Variants in PRKCA observed in about 807,000 individuals in gnomAD.
The protein encoded by PRKCA is protein kinase C alpha type.
In PRKCA, 27 loss-of-function variants were observed where a neutral mutation model predicts 87.0. The observed-to-expected ratio is 0.31, with a 90% confidence interval of 0.23 to 0.43. PRKCA has a LOEUF of 0.43. Ranked by LOEUF, PRKCA falls within the 20% of genes least tolerant of loss-of-function variation. PRKCA has a pLI of 1.00. For missense variants in PRKCA, 518 were observed against 852.3 expected, an observed-to-expected ratio of 0.61 and a Z score of 4.88; for synonymous variants, 329 against 311.1, an observed-to-expected ratio of 1.06 and a Z score of -0.61.
At chr17:66,722,258 G>T (rs1278803388) in intron 8 of PRKCA, among the ~76,000 whole-genome samples, 1 of 152,152 alleles carries the variant, frequency 6.6e-6, no homozygotes, top group Non-Finnish European at 1.5e-5. Flanking sequence ...GTTAAGGTGG[G>T]TTAGACTGTC....
rs111374219 is a variant in PRKCA at position 66,627,813 on chromosome 17, C to G, written c.289-13542C>G. On this transcript the variant is annotated intron_variant, in intron 3 of 16. Transcript: ENST00000413366. ...ATGGTTGGAAATTCAGTATCCCCCCCCAAAAAATTGAACCTTCATAGTTTC... is the reference window on the plus strand; with the variant it reads ...ATGGTTGGAAATTCAGTATCCCCCCGCAAAAAATTGAACCTTCATAGTTTC... Among the ~76,000 whole-genome samples the G allele has an allele frequency of 7.2e-5, 11 of 152,226 alleles. No homozygotes were observed. In the East Asian group the frequency reaches 2.1e-3, roughly 29 times the overall value.
At chr17:66,754,475 C>T (rs1049930148) in intron 13 of PRKCA, among the ~76,000 whole-genome samples, 26 of 152,100 alleles carry the variant, frequency 1.7e-4, no homozygotes, top group African/African-American at 4.3e-4. Flanking sequence ...TGCTGTGCCT[C>T]GACTTCTCCA....
At chr17:66,675,419 G>A (rs1232525041) in intron 5 of PRKCA, among the ~76,000 whole-genome samples, 1 of 152,168 alleles carries the variant, frequency 6.6e-6, no homozygotes, top group African/African-American at 2.4e-5. Flanking sequence ...CCACAGCACA[G>A]AGCTCTTCCC....
chr17:66,501,393 T>A (rs1713335614), intron 3 of PRKCA, among the ~76,000 whole-genome samples: 1 of 152,132 alleles, frequency 6.6e-6, no homozygotes, highest in Non-Finnish European at 1.5e-5. Flanking sequence ...TACCAGCAAA[T>A]CTAGAGCAAA....
intron 8 of PRKCA, among the ~76,000 whole-genome samples, chr17:66,720,507 T>C (rs1973588414): frequency 6.6e-6 from 1 of 152,236 alleles, no homozygotes; most frequent in Non-Finnish European, 1.5e-5. Flanking sequence ...CTCAGTTCCT[T>C]TGTGGCTTTC....
chr17:66,323,076 A>G (rs1905778082), intron 2 of PRKCA, among the ~76,000 whole-genome samples: 1 of 152,176 alleles, frequency 6.6e-6, no homozygotes, highest in Non-Finnish European at 1.5e-5. Flanking sequence ...GATCTTGCAT[A>G]TTTCAAAATA....
intron 5 of PRKCA, among the ~76,000 whole-genome samples, chr17:66,660,858 G>A (rs185790563): frequency 0.012 from 1,848 of 152,114 alleles, 33 homozygotes; most frequent in African/African-American, 0.042. Context: ...GCAGTGAGCC[G>A]AGATCGCACC....
intron 5 of PRKCA, among the ~76,000 whole-genome samples, chr17:66,662,763 T>C (rs893022760): frequency 1.3e-5 from 2 of 151,980 alleles, no homozygotes; most frequent in African/African-American, 2.4e-5. Context: ...TGCTTTATAC[T>C]CTCAGATTAA....
intron 3 of PRKCA, among the ~76,000 whole-genome samples, chr17:66,522,553 C>T (rs770960826): frequency 6.6e-6 from 1 of 152,046 alleles, no homozygotes; most frequent in Non-Finnish European, 1.5e-5. Flanking sequence ...GCGCCAGGTG[C>T]CGTGTGCTTG....
At chr17:66,750,026 A>G (rs1437370664) in intron 13 of PRKCA, among the ~76,000 whole-genome samples, 2 of 152,102 alleles carry the variant, frequency 1.3e-5, no homozygotes, top group African/African-American at 4.8e-5. Flanking sequence ...GTAGAGAGGG[A>G]TAGAAAATAA....
chr17:66,519,126 G>A (rs983051559), intron 3 of PRKCA, among the ~76,000 whole-genome samples: 1 of 152,170 alleles, frequency 6.6e-6, no homozygotes, highest in Non-Finnish European at 1.5e-5. Flanking sequence ...AGTGAGCTAT[G>A]TCCTGGTTTG....
chr17:66,538,719 C>T (rs953176475), intron 3 of PRKCA, among the ~76,000 whole-genome samples: 16 of 152,148 alleles, frequency 1.1e-4, no homozygotes, highest in Non-Finnish European at 2.2e-4. Context: ...TGTCCAGTTC[C>T]AGTGATGGGC....
chr17:66,738,926 C>A, intron 11 of PRKCA, 71 bp downstream of exon 11: 1 of 1,212,698 alleles, frequency 8.2e-7, no homozygotes, highest in Non-Finnish European at 1.2e-6. Flanking sequence ...CCTTTTTTCC[C>A]CCCCGCTTGA....
At chr17:66,797,198 C>T (rs114851402) in intron 16 of PRKCA, among the ~76,000 whole-genome samples, 1 of 152,166 alleles carries the variant, frequency 6.6e-6, no homozygotes, top group African/African-American at 2.4e-5. Context: ...CAGTCTCCCC[C>T]ACACCCTATC....
chr17:66,731,662 A>G (rs1033422356), intron 8 of PRKCA, among the ~76,000 whole-genome samples: 5 of 151,254 alleles, frequency 3.3e-5, no homozygotes, highest in African/African-American at 1.2e-4. Flanking sequence ...GGCCCTGGTG[A>G]GAGTCGTGAG....
chr17:66,759,337 CAG>C (rs913399625), intron 13 of PRKCA, among the ~76,000 whole-genome samples: 18 of 149,904 alleles, frequency 1.2e-4, no homozygotes, highest in African/African-American at 4.2e-4. Context: ...GCCTGGGTGA[CAG>C]AGCGAGACTC....
intron 8 of PRKCA, 43 bp from the exon 9 acceptor site, chr17:66,732,645 A>G (rs1159303356): frequency 2.5e-6 from 4 of 1,612,698 alleles, no homozygotes; most frequent in Middle Eastern, 1.6e-4. Flanking sequence ...CTCTTTCCCC[A>G]GAAAAATGAC....
chr17:66,735,355 G>A (rs1973999669), intron 9 of PRKCA, 134 bp from the exon 10 acceptor site: 2 of 927,280 alleles, frequency 2.2e-6, no homozygotes, highest in Admixed American at 4.6e-5. Flanking sequence ...TGCACATAAA[G>A]TTTAATATTT....
intron 2 of PRKCA, among the ~76,000 whole-genome samples, chr17:66,450,452 C>G (rs1195164484): frequency 6.6e-6 from 1 of 152,168 alleles, no homozygotes; most frequent in Non-Finnish European, 1.5e-5. Flanking sequence ...TCTTTGGTAC[C>G]TGAAGACGGC....
Sources: gnomAD v4.1 joint callset for allele counts (sites outside exome capture counted in the v4.1 genomes callset) on GRCh38, gnomAD v4.1.1 for gene constraint, MANE v1.5 for transcripts, NCBI Gene and HGNC (gene_info 2026-07-23, HGNC 2026-07-21) for gene names.